Variants in UNC5C observed in about 807,000 individuals in gnomAD.
The protein encoded by UNC5C is netrin receptor UNC5C.
Under a neutral mutation model 99.8 loss-of-function variants are expected in UNC5C, and 47 were observed. The observed-to-expected ratio is 0.47, with a 90% CI of 0.37 to 0.60. The LOEUF (loss-of-function observed/expected upper bound fraction) is 0.60. Among genes scored for constraint, UNC5C ranks in the 20% least tolerant of loss-of-function variants. The pLI is 0.00. For missense variants in UNC5C, 1,062 were observed against 1,165.9 expected, an observed-to-expected ratio of 0.91 and a Z score of 1.30; for synonymous variants, 487 against 452.2, an observed-to-expected ratio of 1.08 and a Z score of -0.98.
Position 95,453,831 on chromosome 4 carries a change from C to G in UNC5C, c.124+94903G>C, listed in dbSNP as rs556196784. ...TTGTCAGAGTTTCCAGGAATTATTA[C>G]TAGGATTTCACATCCTAGTCCTCCA... On this transcript the variant is annotated intron_variant, in intron 1 of 15. Coordinates refer to ENST00000453304, the MANE Select transcript of UNC5C (RefSeq NM_003728.4). Among the ~76,000 whole-genome samples, 192 of 152,066 alleles carry G rather than the reference C, an allele frequency of 1.3e-3. 1 individual carries two copies. The highest frequency in any genetic ancestry group is 1.8e-3 in the Non-Finnish European group (120 of 67,996).
At position 95,335,585 on chromosome 4, in the gene UNC5C, T is replaced by C. The variant is rs897317795; in HGVS notation, c.171A>G (p.Pro57=). 1.2e-6 allele frequency: 2 copies of C among 1,611,456 alleles called. No homozygotes were observed. The highest frequency in any genetic ancestry group is 1.7e-6 in the Non-Finnish European group (2 of 1,178,654). Residue 57 remains proline, a synonymous_variant, in exon 2 of 16, where the codon CCA becomes CCG. Coordinates refer to ENST00000453304, the MANE Select transcript of UNC5C (RefSeq NM_003728.4). The stretch of plus-strand genomic sequence containing the variant: ...TAAGGAAATGTGGCAGAGGCTCAGG[T>C]GGATCAGAAGGAAAAGTTTCTGGGA... The part of the protein sequence containing the change: ...HELPETFPSD[P]PEPLPHFLIE...
chr4:95,310,831 A>G (rs995444225), intron 2 of UNC5C, among the ~76,000 whole-genome samples: 5 of 152,174 alleles, frequency 3.3e-5, no homozygotes, highest in Admixed American at 2.6e-4. Flanking sequence ...GTGCTTCTAG[A>G]AAGCTCTATG....
chr4:95,175,397 A>G (rs1345090330), intron 14 of UNC5C, among the ~76,000 whole-genome samples: 3 of 151,698 alleles, frequency 2.0e-5, no homozygotes, highest in South Asian at 4.2e-4. Context: ...GTTCCTTTCC[A>G]TGTTTAGTGC....
intron 2 of UNC5C, among the ~76,000 whole-genome samples, chr4:95,324,331 C>T (rs981873938): frequency 2.0e-4 from 30 of 152,316 alleles, no homozygotes; most frequent in Middle Eastern, 6.8e-3. Flanking sequence ...TGATCTGTCA[C>T]TGTCTCCTAT....
At chr4:95,438,693 A>G (rs1746860517) in intron 1 of UNC5C, among the ~76,000 whole-genome samples, 1 of 152,126 alleles carries the variant, frequency 6.6e-6, no homozygotes, top group Admixed American at 6.6e-5. Context: ...TCCTGCAGAT[A>G]AGGAAGGACT....
intron 2 of UNC5C, among the ~76,000 whole-genome samples, chr4:95,322,086 T>G (rs955059769): frequency 4.6e-5 from 7 of 152,190 alleles, no homozygotes; most frequent in Non-Finnish European, 8.8e-5. Flanking sequence ...CCCACTGACT[T>G]AAATAAAAAA....
chr4:95,468,913 G>A (rs1192018719), intron 1 of UNC5C, among the ~76,000 whole-genome samples: 4 of 152,162 alleles, frequency 2.6e-5, no homozygotes, highest in Admixed American at 2.0e-4. Flanking sequence ...TAGGGACAAA[G>A]CATCAGTGAA....
chr4:95,491,117 T>C (rs1721477664), intron 1 of UNC5C, among the ~76,000 whole-genome samples: 1 of 151,580 alleles, frequency 6.6e-6, no homozygotes, highest in Non-Finnish European at 1.5e-5. Flanking sequence ...ATAAAATATT[T>C]GCAAACAAAA....
At chr4:95,449,902 G>T (rs1305226283) in intron 1 of UNC5C, among the ~76,000 whole-genome samples, 1 of 152,132 alleles carries the variant, frequency 6.6e-6, no homozygotes, top group Non-Finnish European at 1.5e-5. Context: ...GTCAAATTTT[G>T]GTGACATGCA....
At chr4:95,411,597 A>T (rs1745995785) in intron 1 of UNC5C, among the ~76,000 whole-genome samples, 1 of 152,220 alleles carries the variant, frequency 6.6e-6, no homozygotes, top group Non-Finnish European at 1.5e-5. Flanking sequence ...CTACAGGAAA[A>T]GTGCATGTAT....
chr4:95,407,819 G>A (rs969688913), intron 1 of UNC5C, among the ~76,000 whole-genome samples: 2 of 152,138 alleles, frequency 1.3e-5, no homozygotes, highest in Non-Finnish European at 2.9e-5. Flanking sequence ...GGAGAGGGGA[G>A]CATATGGAAT....
intron 4 of UNC5C, among the ~76,000 whole-genome samples, chr4:95,261,767 G>A (rs184185570): frequency 7.2e-4 from 109 of 150,986 alleles, no homozygotes; most frequent in African/African-American, 2.0e-3. Context: ...GCGGTGGCGC[G>A]ATCTCAGCTC....
chr4:95,385,263 G>A (rs188337674), intron 1 of UNC5C, among the ~76,000 whole-genome samples: 1 of 152,086 alleles, frequency 6.6e-6, no homozygotes, highest in African/African-American at 2.4e-5. Context: ...CTATTGTGTC[G>A]ATGTGCGGAA....
At chr4:95,211,240 C>A (rs1738065419) in intron 10 of UNC5C, among the ~76,000 whole-genome samples, 1 of 152,178 alleles carries the variant, frequency 6.6e-6, no homozygotes, top group Non-Finnish European at 1.5e-5. Flanking sequence ...AAAGCACAGG[C>A]CTTCACACAT....
At position 95,209,439 on chromosome 4, in the gene UNC5C, T is replaced by C. The variant is rs142247835; in HGVS notation, c.1734-2643A>G. On this transcript the variant is annotated intron_variant, in intron 10 of 15. Transcript: ENST00000453304. ...TGGCTATCAGTGCTTCCTCACTTAT[T>C]CTGAAATTGCACCAGGATCTCACCA... 1.6e-3 allele frequency among the ~76,000 whole-genome samples: 242 copies of C among 152,352 alleles called. 2 individuals carry two copies. The highest frequency in any genetic ancestry group is 5.6e-3 in the African/African-American group (233 of 41,590).
intron 4 of UNC5C, among the ~76,000 whole-genome samples, chr4:95,253,783 C>A (rs1302392685): frequency 2.0e-5 from 3 of 152,152 alleles, no homozygotes; most frequent in Non-Finnish European, 4.4e-5. Context: ...TTGAGACAAT[C>A]ATCTCCATGA....
At chr4:95,256,446 G>A (rs1739985695) in intron 4 of UNC5C, among the ~76,000 whole-genome samples, 1 of 151,792 alleles carries the variant, frequency 6.6e-6, no homozygotes, top group South Asian at 2.1e-4. Context: ...CTCTTTCTTA[G>A]CCCATTCAAT....
chr4:95,504,005 T>C (rs576294398), intron 1 of UNC5C, among the ~76,000 whole-genome samples: 24 of 152,294 alleles, frequency 1.6e-4, no homozygotes, highest in Admixed American at 7.9e-4. Flanking sequence ...TTTATGTCAT[T>C]AATCAATCAC....
At chr4:95,240,519 A>C (rs1367695794) in intron 7 of UNC5C, among the ~76,000 whole-genome samples, 1 of 152,224 alleles carries the variant, frequency 6.6e-6, no homozygotes, top group Non-Finnish European at 1.5e-5. Context: ...GATTGTTACT[A>C]TAGCAAATCA....
Sources: allele counts gnomAD v4.1 joint callset (sites outside exome capture counted in the v4.1 genomes callset), GRCh38; gene constraint gnomAD v4.1.1; transcripts MANE v1.5; gene names NCBI Gene and HGNC (gene_info 2026-07-23, HGNC 2026-07-21).